Variants in GLG1 observed in about 807,000 individuals in gnomAD.
GLG1 encodes Golgi apparatus protein 1.
Under a neutral mutation model 160.5 loss-of-function variants are expected in GLG1, and 38 were observed. That is an observed-to-expected ratio of 0.24 (90% confidence interval 0.18 to 0.31). The LOEUF (loss-of-function observed/expected upper bound fraction) is 0.31. GLG1 is among the 10% of genes least tolerant of loss of function. The pLI, the probability that GLG1 is intolerant of heterozygous loss-of-function variation, is 1.00. For synonymous variants in GLG1, 644 were observed against 543.4 expected, an observed-to-expected ratio of 1.19 and a Z score of -2.57; for missense variants, 1,373 against 1,505.2, an observed-to-expected ratio of 0.91 and a Z score of 1.45.
At chr16:74,483,328 C>G (rs2015673682) in intron 9 of GLG1, among the ~76,000 whole-genome samples, 2 of 152,216 alleles carry the variant, frequency 1.3e-5, no homozygotes, top group Admixed American at 1.3e-4. Flanking sequence ...GCACTGAAGA[C>G]TATGCATGCA....
rs141599823 is a variant in GLG1 at position 74,594,842 on chromosome 16, G to A, written c.438+11815C>T. ...TACACTTTGAAGGGGTAAATCCTCT[G>A]GGTAAAGGAATTAAGTTCTGCCAAA... On this transcript the variant is annotated intron_variant, in intron 1 of 25. Coordinates refer to ENST00000422840, the MANE Select transcript of GLG1 (RefSeq NM_001145667.2). 2.5e-3 allele frequency among the ~76,000 whole-genome samples: 375 copies of A among 152,246 alleles called. 8 individuals carry two copies. In the East Asian group the frequency reaches 0.06, roughly 24 times the overall value.
chr16:74,460,309 C>T (rs531137277), intron 22 of GLG1, among the ~76,000 whole-genome samples: 2 of 152,326 alleles, frequency 1.3e-5, no homozygotes, highest in East Asian at 3.9e-4. Flanking sequence ...GCATGAGCCA[C>T]CGCAACTGGC....
chr16:74,471,794 T>G (rs1250446604), intron 14 of GLG1, among the ~76,000 whole-genome samples: 1 of 152,184 alleles, frequency 6.6e-6, no homozygotes, highest in Admixed American at 6.5e-5. Flanking sequence ...CCCTGTTCCA[T>G]CTCTTCTTAA....
rs777396883 is a variant in GLG1, at chr16:74,485,786, G to T, written c.1571+10C>A. The T allele has an allele frequency of 6.2e-7, 1 of 1,610,108 alleles. No homozygotes were observed. Among genetic ancestry groups the T allele is most frequent in the Non-Finnish European group, 8.5e-7 (1 of 1,177,358 alleles). On this transcript the variant is annotated intron_variant, in intron 9 of 25. Transcript: ENST00000422840. ...CAATATGGATAAATACCATGGAGAAGATAACTTACATTGGGTCTCCAGATC... is the reference window on the plus strand; with the variant it reads ...CAATATGGATAAATACCATGGAGAATATAACTTACATTGGGTCTCCAGATC...
chr16:74,502,312 C>T (rs2016433866), intron 4 of GLG1, among the ~76,000 whole-genome samples: 1 of 152,110 alleles, frequency 6.6e-6, no homozygotes. Context: ...TTGTGACCTT[C>T]TGTTCAGCAG....
chr16:74,502,865 C>T (rs1037251218), intron 4 of GLG1, among the ~76,000 whole-genome samples: 14 of 151,028 alleles, frequency 9.3e-5, no homozygotes, highest in African/African-American at 2.7e-4. Context: ...CCACCGCGCC[C>T]GGCCAGTAAT....
At chr16:74,576,137 C>CG (rs2018996288) in intron 1 of GLG1, among the ~76,000 whole-genome samples, 1 of 151,722 alleles carries the variant, frequency 6.6e-6, no homozygotes, top group African/African-American at 2.4e-5. Context: ...GTGAAGGCGG[C>CG]GGTGAGCTGA....
chr16:74,542,354 T>C (rs2017893675), intron 1 of GLG1, among the ~76,000 whole-genome samples: 1 of 151,808 alleles, frequency 6.6e-6, no homozygotes, highest in South Asian at 2.1e-4. Context: ...CAGTAGCTAC[T>C]ATAGCCAAAT....
intron 2 of GLG1, among the ~76,000 whole-genome samples, chr16:74,511,038 G>C (rs1004016781): frequency 6.6e-6 from 1 of 152,190 alleles, no homozygotes; most frequent in African/African-American, 2.4e-5. Flanking sequence ...GAGGGAACCA[G>C]AAGTCCAATG....
At chr16:74,498,007 C>T (rs1555510230) in intron 4 of GLG1, among the ~76,000 whole-genome samples, 1 of 152,156 alleles carries the variant, frequency 6.6e-6, no homozygotes, top group Non-Finnish European at 1.5e-5. Flanking sequence ...CAACCACAAA[C>T]ATTCATTCAT....
rs1274342984 is a variant in GLG1 at position 74,477,246 on chromosome 16, G to GA, written c.1965+149dup. ...AAGACCAGAGAGAAAATTTTCCTGA[G>GA]AATTTCTTCCAGAGAAAATATTGAA... On this transcript the variant is annotated intron_variant, in intron 12 of 25. Coordinates refer to ENST00000422840, the MANE Select transcript of GLG1 (RefSeq NM_001145667.2). 6 of 688,996 alleles carry GA rather than the reference G, an allele frequency of 8.7e-6. No homozygotes were observed. In the Admixed American group the frequency reaches 1.5e-4, roughly 17 times the overall value. 42.7% of individuals were successfully genotyped at this position (688,996 alleles called of 1,614,324 possible). A position where few individuals can be genotyped will look rare whatever the true frequency, so the allele number is the denominator to read the frequency against.
chr16:74,447,937 C>T lies in GLG1; in HGVS notation c.*5230G>A, dbSNP rs1319765728. ...CTAGAGGCACTGTCTGAACTTTCCC[C>T]TGGCCCAGGGAGATTTCTCCACTGC... On this transcript the variant is annotated 3_prime_UTR_variant, in exon 26 of 26. Transcript: ENST00000422840. 1.3e-5 allele frequency: 2 copies of T among 152,366 alleles called. No homozygotes were observed. Among genetic ancestry groups the T allele is most frequent in the Admixed American group, 6.5e-5 (1 of 15,288 alleles). 9.4% of individuals were successfully genotyped at this position (152,366 alleles called of 1,614,324 possible). A position where few individuals can be genotyped will look rare whatever the true frequency, so the allele number is the denominator to read the frequency against.
chr16:74,526,210 G>C (rs2017327261), intron 2 of GLG1, among the ~76,000 whole-genome samples: 1 of 151,106 alleles, frequency 6.6e-6, no homozygotes, highest in South Asian at 2.1e-4. Flanking sequence ...GGGAGAAAGA[G>C]AAGACTTGAG....
rs546304011 is a variant in GLG1 at position 74,597,118 on chromosome 16, C to G, written c.438+9539G>C. On this transcript the variant is annotated intron_variant, in intron 1 of 25. Coordinates refer to ENST00000422840, the MANE Select transcript of GLG1 (RefSeq NM_001145667.2). ...TGGGCAAGAGAGTGAGACCTCGTCTCAAACAAACAAAAAAAAAACCCAAAA... is the reference window on the plus strand; with the variant it reads ...TGGGCAAGAGAGTGAGACCTCGTCTGAAACAAACAAAAAAAAAACCCAAAA... Among the ~76,000 whole-genome samples the G allele has an allele frequency of 9.9e-5, 15 of 150,934 alleles. 1 individual carries two copies. The highest frequency in any genetic ancestry group is 1.8e-4 in the Non-Finnish European group (12 of 67,744).
chr16:74,518,165 C>T (rs916359713), intron 2 of GLG1, among the ~76,000 whole-genome samples: 3 of 152,140 alleles, frequency 2.0e-5, no homozygotes, highest in African/African-American at 7.2e-5. Context: ...CATCAAGCTG[C>T]CACTGACTTT....
At chr16:74,464,922 A>G (rs903443831) in intron 19 of GLG1, among the ~76,000 whole-genome samples, 2 of 152,218 alleles carry the variant, frequency 1.3e-5, no homozygotes, top group Admixed American at 1.3e-4. Context: ...GGCTCACTGC[A>G]GCCTGCGCCT....
At chr16:74,549,565 C>A (rs893547145) in intron 1 of GLG1, among the ~76,000 whole-genome samples, 1 of 152,294 alleles carries the variant, frequency 6.6e-6, no homozygotes, top group Admixed American at 6.5e-5. Flanking sequence ...AGATTACAGG[C>A]GTGAGCCGCT....
At chr16:74,591,425 G>A (rs1958181423) in intron 1 of GLG1, among the ~76,000 whole-genome samples, 1 of 151,804 alleles carries the variant, frequency 6.6e-6, no homozygotes, top group South Asian at 2.1e-4. Flanking sequence ...TCAGGAGATC[G>A]AAACCATCCT....
At position 74,471,206 on chromosome 16, in the gene GLG1, C is replaced by T. The variant is rs1567464046; in HGVS notation, c.2196G>A (p.Glu732=). ...IQNKHQKDMN[E]KCAIGVTHFQ... Reference sequence around the variant, plus strand: ...AGTGGGTAACTCCGATGGCACACTTCTCGTTCATGTCCTTCTGGTGTTTGT... The same window carrying T: ...AGTGGGTAACTCCGATGGCACACTTTTCGTTCATGTCCTTCTGGTGTTTGT... The change falls in exon 15 of 26, where the codon GAG becomes GAA. Residue 732 remains glutamate, a synonymous_variant. Coordinates refer to ENST00000422840, the MANE Select transcript of GLG1 (RefSeq NM_001145667.2). 6.2e-7 allele frequency: 1 copy of T among 1,612,306 alleles called. No homozygotes were observed. Among genetic ancestry groups the T allele is most frequent in the Non-Finnish European group, 8.5e-7 (1 of 1,178,278 alleles).
Sources: allele counts gnomAD v4.1 joint callset (sites outside exome capture counted in the v4.1 genomes callset), GRCh38; gene constraint gnomAD v4.1.1; transcripts MANE v1.5; gene names NCBI Gene and HGNC (gene_info 2026-07-23, HGNC 2026-07-21).